Variants in CFAP46 observed in about 807,000 individuals in gnomAD.
CFAP46 encodes cilia and flagella associated protein 46, also known as cilia- and flagella-associated protein 46.
Under a neutral mutation model 325.7 loss-of-function variants are expected in CFAP46, and 245 were observed. That is an observed-to-expected ratio of 0.75 (90% CI 0.68 to 0.84). CFAP46 has a LOEUF of 0.84. Among genes scored for constraint, CFAP46 ranks in the 40% least tolerant of loss-of-function variants. The pLI, the probability that CFAP46 is intolerant of heterozygous loss-of-function variation, is 0.00. For synonymous variants in CFAP46, 1,523 were observed against 1,495.9 expected (o/e 1.02, Z -0.42); for missense variants, 3,346 against 3,543.0 (o/e 0.94, Z 1.41).
intron 22 of CFAP46, among the ~76,000 whole-genome samples, chr10:132,906,363 C>CA (rs1373293747): frequency 6.6e-6 from 1 of 152,288 alleles, no homozygotes; most frequent in Non-Finnish European, 1.5e-5. Context: ...TGGGTGGCCT[C>CA]AGAAGCAACT....
intron 43 of CFAP46, among the ~76,000 whole-genome samples, chr10:132,846,479 G>A (rs902756661): frequency 3.3e-5 from 5 of 152,142 alleles, no homozygotes; most frequent in African/African-American, 1.2e-4. Flanking sequence ...GGGTCTCTGT[G>A]TCTGCCCAAT....
At chr10:132,834,181 A>G in intron 48 of CFAP46, 58 bp from the exon 49 acceptor site, 1 of 1,504,412 alleles carries the variant, frequency 6.6e-7, no homozygotes, top group Non-Finnish European at 9.2e-7. Context: ...CGCTTGGAAT[A>G]TAGGCGACAC....
At chr10:132,935,240 T>C (rs1849974098) in intron 7 of CFAP46, among the ~76,000 whole-genome samples, 1 of 151,946 alleles carries the variant, frequency 6.6e-6, no homozygotes, top group Admixed American at 6.6e-5. Context: ...ATACCTCAGA[T>C]CTCCTCACTC....
intron 15 of CFAP46, 67 bp from the exon 16 acceptor site, chr10:132,918,587 C>A: frequency 6.8e-7 from 1 of 1,467,752 alleles, no homozygotes. Context: ...CACAAGAATT[C>A]CTGAACCATC....
rs1460777171 is a variant in CFAP46, at chr10:132,814,576, C to T, written c.7285+1G>A. 1.3e-6 allele frequency: 2 copies of T among 1,561,926 alleles called. No individual in the cohort carries two copies. Among genetic ancestry groups the T allele is most frequent in the South Asian group, 1.2e-5 (1 of 85,048 alleles). On this transcript the variant is annotated splice_donor_variant, in intron 53 of 57. Coordinates refer to ENST00000368586, the MANE Select transcript of CFAP46 (RefSeq NM_001200049.3). LOFTEE classifies it high-confidence loss of function. ...AACAGGGAGCCCTGTGCAGCACCCA[C>T]CTGGGCCCTGGGCCTCCTCGTATGG...
At chr10:132,861,600 G>C (rs929822979) in intron 35 of CFAP46, among the ~76,000 whole-genome samples, 52 of 152,352 alleles carry the variant, frequency 3.4e-4, no homozygotes, top group Admixed American at 9.8e-4. Flanking sequence ...AGGGAGCTGG[G>C]CAGCCACATG....
At position 132,814,705 on chromosome 10, in the gene CFAP46, G is replaced by C. The variant is rs187090818; in HGVS notation, c.7230C>G (p.Val2410=). The C allele has an allele frequency of 2.5e-6, 4 of 1,610,482 alleles. No individual in the cohort carries two copies. The highest frequency in any genetic ancestry group is 2.2e-5 in the South Asian group (2 of 90,852). The change falls in exon 52 of 58, where the codon GTC becomes GTG. Residue 2410 remains valine, a synonymous_variant. Transcript: ENST00000368586. ...PRTIPPDCII[V]DSDNFKFVVD... ...GGATACACTTGAAGTTGTCTGAGTC[G>C]ACTATGATGCAGTCAGGGGGGATGG...
In CFAP46 at chr10:132,847,521, C is replaced by A. The variant is rs750572943; in HGVS notation, c.5953-200G>T. 6.6e-5 allele frequency among the ~76,000 whole-genome samples: 10 copies of A among 152,032 alleles called. No individual in the cohort carries two copies. Among genetic ancestry groups the A allele is most frequent in the Non-Finnish European group, 1.2e-4 (8 of 67,984 alleles). Reference sequence around the variant, plus strand: ...ATGCAGGGTGGCCCTGACCCGTGAGCCTGGGCAAGGGGACGCTGGAGCCTG... The same window carrying A: ...ATGCAGGGTGGCCCTGACCCGTGAGACTGGGCAAGGGGACGCTGGAGCCTG... On this transcript the variant is annotated intron_variant, in intron 41 of 57. Coordinates refer to ENST00000368586, the MANE Select transcript of CFAP46 (RefSeq NM_001200049.3). The surrounding 1 kb of genome is among the most constrained non-coding windows in gnomAD (Gnocchi z 5.2).
intron 24 of CFAP46, among the ~76,000 whole-genome samples, 183 bp from the exon 25 acceptor site, chr10:132,892,600 TAACAATCTAC>T (rs1849269536): frequency 6.6e-6 from 1 of 152,222 alleles, no homozygotes; most frequent in Non-Finnish European, 1.5e-5. Flanking sequence ...TTCTAAAGCT[TAACAATCTAC>T]AGCCAATTAA....
rs1270801111 is a variant in CFAP46 at position 132,922,584 on chromosome 10, A to G, written c.1381T>C (p.Tyr461His). 1 of 1,548,780 alleles carries G rather than the reference A, an allele frequency of 6.5e-7. No homozygotes were observed. Among genetic ancestry groups the G allele is most frequent in the African/African-American group, 1.4e-5 (1 of 73,054 alleles). Residue 461 changes from tyrosine to histidine, a missense_variant, in exon 12 of 58, where the codon TAC becomes CAC. Tyr to His is a moderately conservative substitution (Grantham distance 83). Coordinates refer to ENST00000368586, the MANE Select transcript of CFAP46 (RefSeq NM_001200049.3). ...GAGGCCATCTGGATCCTGTCCCGGT[A>G]GAGGCCCAGGCTGTCCAGGCGCGCG... is the stretch of plus-strand genomic sequence containing the variant. ...KAARLDSLGL[Y>H]RDRIQMASTR...
chr10:132,919,463 C>T lies in CFAP46; in HGVS notation c.1731-21G>A, dbSNP rs777894569. ...GTATCCTGCTCACCGAGAACCCAAA[C>T]GAGTGAAAGGTGAGTAGACAAGTGT... On this transcript the variant is annotated intron_variant, in intron 14 of 57. Transcript: ENST00000368586. This position sits in a 1 kb window ranked among gnomAD's most constrained non-coding sequence, Gnocchi z 9.7. The T allele has an allele frequency of 1.6e-5, 24 of 1,541,998 alleles. 1 individual carries two copies. The Middle Eastern group carries it at 5.1e-4, about 32-fold the overall frequency.
chr10:132,939,851 G>T lies in CFAP46; in HGVS notation c.372-1098C>A, dbSNP rs184375690. On this transcript the variant is annotated intron_variant, in intron 4 of 57. Transcript: ENST00000368586. This position sits in a 1 kb window ranked among gnomAD's most constrained non-coding sequence, Gnocchi z 4.6. Reference sequence around the variant, plus strand: ...CCCACTGTGGCCTCCACATGCCCGTGGTTGGGCTCACAGTCTCCTGTCCCA... The same window carrying T: ...CCCACTGTGGCCTCCACATGCCCGTTGTTGGGCTCACAGTCTCCTGTCCCA... Among the ~76,000 whole-genome samples the T allele has an allele frequency of 2.8e-3, 422 of 152,270 alleles. 2 individuals carry two copies. Among genetic ancestry groups the T allele is most frequent in the African/African-American group, 9.2e-3 (381 of 41,546 alleles).
In CFAP46 at chr10:132,835,414, G is replaced by T. The variant is rs1420797600; in HGVS notation, c.6634C>A (p.Leu2212Met). The change falls in exon 47 of 58, where the codon CTG becomes ATG. Residue 2212 changes from leucine to methionine, a missense_variant. Physicochemically the swap from Leu to Met is conservative, Grantham distance 15. Coordinates refer to ENST00000368586, the MANE Select transcript of CFAP46 (RefSeq NM_001200049.3). ...AVGGSCKVMR[L>M]AISPTAFSHL... ...GAGAAGGCAGTGGGACTTATGGCCA[G>T]ACGCATCACCTTGCAGGAGCCTGTG... The T allele has an allele frequency of 9.9e-6, 16 of 1,613,554 alleles. No homozygotes were observed. Among genetic ancestry groups the T allele is most frequent in the Non-Finnish European group, 1.4e-5 (16 of 1,179,924 alleles).
At chr10:132,865,057 A>G (rs1008000407) in intron 35 of CFAP46, among the ~76,000 whole-genome samples, 2 of 152,176 alleles carry the variant, frequency 1.3e-5, no homozygotes, top group African/African-American at 4.8e-5. Context: ...CTTTTATACC[A>G]TTCTAGGACC....
Position 132,880,954 on chromosome 10 carries a change from C to A in CFAP46, c.3706G>T (p.Glu1236Ter). 6.4e-7 allele frequency: 1 copy of A among 1,550,462 alleles called. No homozygotes were observed. Among genetic ancestry groups the A allele is most frequent in the Non-Finnish European group, 8.7e-7 (1 of 1,146,972 alleles). Residue 1236 changes from glutamate to a stop codon, truncating the protein, a stop_gained, in exon 28 of 58, where the codon GAG becomes TAG. Coordinates refer to ENST00000368586, the MANE Select transcript of CFAP46 (RefSeq NM_001200049.3). LOFTEE classifies it high-confidence loss of function. ...CAGCGGAGGTGGAAGACCACGTCCT[C>A]GAGAGGAAAGTGTCTGTGATGGAGC... ...QWLHHRHFPL[E>*]DVVFHLRWAV...
rs1849035453 is a variant in CFAP46 at position 132,881,046 on chromosome 10, C to A, written c.3628-14G>T. On this transcript the variant is annotated splice_polypyrimidine_tract_variant and intron_variant, in intron 27 of 57. Transcript: ENST00000368586. Reference sequence around the variant, plus strand: ...CATCTCAGGCTTCTGTGGGATTGAACAGGAAGGGTGACATCCTCAGGATGG... The same window carrying A: ...CATCTCAGGCTTCTGTGGGATTGAAAAGGAAGGGTGACATCCTCAGGATGG... 1.3e-6 allele frequency: 2 copies of A among 1,549,824 alleles called. No individual in the cohort carries two copies. Among genetic ancestry groups the A allele is most frequent in the South Asian group, 2.4e-5 (2 of 84,040 alleles).
In CFAP46 at chr10:132,895,954, C is replaced by T. The variant is rs4991556; in HGVS notation, c.3219+3005G>A. ...AGGCTCTGTGTGCCATGAGACACGG[C>T]GAGAAGGCAGCTAGGCTCTGTGTGC... On this transcript the variant is annotated intron_variant, in intron 24 of 57. Coordinates refer to ENST00000368586, the MANE Select transcript of CFAP46 (RefSeq NM_001200049.3). Among the ~76,000 whole-genome samples, 79 of 49,428 alleles carry T rather than the reference C, an allele frequency of 1.6e-3. 7 individuals are homozygous for T. In the African/African-American group the frequency reaches 0.017, roughly 10 times the overall value. 32.4% of individuals were successfully genotyped at this position (49,428 alleles called of 152,430 possible). A position where few individuals can be genotyped will look rare whatever the true frequency, so the allele number is the denominator to read the frequency against.
intron 44 of CFAP46, among the ~76,000 whole-genome samples, chr10:132,841,053 A>T (rs1848338529): frequency 6.6e-6 from 1 of 152,310 alleles, no homozygotes; most frequent in East Asian, 1.9e-4. Context: ...CAATCCATTC[A>T]TGAGTTTTGG....
rs554050474 is a variant in CFAP46 at position 132,834,092 on chromosome 10, C to G, written c.6898G>C (p.Gly2300Arg). 27 of 1,614,146 alleles carry G rather than the reference C, an allele frequency of 1.7e-5. No individual in the cohort carries two copies. The African/African-American group carries it at 3.3e-4, about 20-fold the overall frequency. ...TCCTTGTCTTTGCCCTTCGACTTCC[C>G]TGAATCGGCAACAACCGCAGGTGTC... ...VQTPAVVADS[G>R]KSKGKDKERK... is the part of the protein sequence containing the mutation. Residue 2300 changes from glycine to arginine, a missense_variant, in exon 49 of 58, where the codon GGG becomes CGG. Transcript: ENST00000368586.
Sources: allele counts gnomAD v4.1 joint callset (sites outside exome capture counted in the v4.1 genomes callset), GRCh38; gene constraint gnomAD v4.1.1; non-coding constraint Gnocchi (gnomAD v3.1); transcripts MANE v1.5; gene names NCBI Gene and HGNC (gene_info 2026-07-23, HGNC 2026-07-21).